The following PRSS36 variants were observed in gnomAD, a reference collection of about 807,000 sequenced individuals.
The protein encoded by PRSS36 is serine protease 36, also known as polyserase-2.
A neutral mutation model predicts 94.3 loss-of-function variants in PRSS36; 90 were observed. The observed-to-expected ratio is 0.95, with a 90% CI of 0.80 to 1.14. The LOEUF is 1.14. Among genes scored for constraint, PRSS36 ranks in the 50% most tolerant of loss-of-function variants. The pLI is 0.00. For synonymous variants in PRSS36, 500 were observed against 489.6 expected (o/e 1.02, Z -0.28); for missense variants, 1,158 against 1,135.0 (o/e 1.02, Z -0.29).
intron 8 of PRSS36, 65 bp from the exon 9 acceptor site, chr16:31,143,058 C>G (rs997883343): frequency 5.1e-6 from 7 of 1,378,828 alleles, no homozygotes; most frequent in Non-Finnish European, 6.5e-6. Context: ...CCTCACACCC[C>G]GGCTTAGACT....
intron 5 of PRSS36, 73 bp downstream of exon 5, chr16:31,148,322 C>T: frequency 1.4e-5 from 20 of 1,429,592 alleles, no homozygotes; most frequent in Non-Finnish European, 1.8e-5. Flanking sequence ...CCTCCTGAGG[C>T]CCCGCCCTAG....
chr16:31,148,339 C>T, intron 5 of PRSS36, 56 bp downstream of exon 5: 1 of 1,467,952 alleles, frequency 6.8e-7, no homozygotes, highest in Non-Finnish European at 9.0e-7. Flanking sequence ...CTAGGAACCT[C>T]ACCTCTCGAA....
chr16:31,143,701 A>G lies in PRSS36; in HGVS notation c.857T>C (p.Ile286Thr). 1 of 1,614,158 alleles carries G rather than the reference A, an allele frequency of 6.2e-7. No homozygotes were observed. Among genetic ancestry groups the G allele is most frequent in the Non-Finnish European group, 8.5e-7 (1 of 1,180,032 alleles). The change falls in exon 7 of 15, where the codon ATA becomes ACA. Residue 286 changes from isoleucine to threonine, a missense_variant. Coordinates refer to ENST00000268281, the MANE Select transcript of PRSS36 (RefSeq NM_173502.5). Reference sequence around the variant, plus strand: ...CTCTGAACCCATCACCTGCTCCCGTATCCATGCCTCATAGGTAGCCACAGC... The same window carrying G: ...CTCTGAACCCATCACCTGCTCCCGTGTCCATGCCTCATAGGTAGCCACAGC... ...FTAVATYEAW[I>T]REQVMGSEPG...
At chr16:31,149,384 T>C in intron 3 of PRSS36, 79 bp downstream of exon 3, 1 of 1,579,928 alleles carries the variant, frequency 6.3e-7, no homozygotes, top group Non-Finnish European at 8.7e-7. Context: ...TCTACATTTC[T>C]GGTCTTTTCC....
Position 31,138,976 on chromosome 16 carries a change from T to C in PRSS36, c.*162A>G, listed in dbSNP as rs561387172. The C allele has an allele frequency of 3.4e-5, 25 of 737,290 alleles. No homozygotes were observed. Among genetic ancestry groups the C allele is most frequent in the Admixed American group, 1.8e-4 (6 of 32,732 alleles). 45.7% of individuals were successfully genotyped at this position (737,290 alleles called of 1,614,324 possible). On this transcript the variant is annotated 3_prime_UTR_variant, in exon 15 of 15. Coordinates refer to ENST00000268281, the MANE Select transcript of PRSS36 (RefSeq NM_173502.5). Reference sequence around the variant, plus strand: ...TCCTCCCACCACCCCCAAGGATTCCTGGGTTCAAAATAGCCCGGGCACTGA... The same window carrying C: ...TCCTCCCACCACCCCCAAGGATTCCCGGGTTCAAAATAGCCCGGGCACTGA...
chr16:31,144,870 T>C (rs12928459), intron 6 of PRSS36, among the ~76,000 whole-genome samples: 148,581 of 152,216 alleles, frequency 0.98, 72,626 homozygotes, highest in East Asian at 1. Context: ...GGCGGATCAT[T>C]TGAGGTCGGG....
At position 31,142,796 on chromosome 16, in the gene PRSS36, T is replaced by A; in HGVS notation, c.1298A>T (p.His433Leu). ...SAASRPVCLPHPEHYFLPGSR... is the reference protein window; with the variant it reads ...SAASRPVCLPLPEHYFLPGSR... ...CCCGGGCAGGAAGTAGTGTTCCGGG[T>A]GGGGTAGGCACACGGGCCGCGAAGC... Residue 433 changes from histidine (H) to leucine (L), a missense_variant, in exon 9 of 15, where the codon CAC becomes CTC. By Grantham distance (99) the His-to-Leu change is moderately conservative. Coordinates refer to ENST00000268281, the MANE Select transcript of PRSS36 (RefSeq NM_173502.5). The A allele has an allele frequency of 6.7e-7, 1 of 1,494,004 alleles. No individual in the cohort carries two copies. The highest frequency in any genetic ancestry group is 2.8e-5 in the East Asian group (1 of 35,702). 92.5% of individuals were successfully genotyped at this position (1,494,004 alleles called of 1,614,324 possible).
At chr16:31,140,165 GGGGGACAGAGTGAGA>G in intron 14 of PRSS36, 114 bp downstream of exon 14, 1 of 1,000,442 alleles carries the variant, frequency 1.0e-6, no homozygotes, top group South Asian at 2.4e-5. Flanking sequence ...CACTCCAGCT[GGGGGACAGAGTGAGA>G]CTCTGTCTCA....
chr16:31,143,546 T>C, intron 7 of PRSS36, 42 bp downstream of exon 7: 1 of 1,610,132 alleles, frequency 6.2e-7, no homozygotes, highest in Non-Finnish European at 8.5e-7. Flanking sequence ...CCCAACTCAC[T>C]CTCCCATGTC....
At position 31,139,398 on chromosome 16, in the gene PRSS36, G is replaced by A. The variant is rs2057645280; in HGVS notation, c.2308C>T (p.Leu770Phe). The change falls in exon 15 of 15, where the codon CTC becomes TTC. Residue 770 changes from leucine to phenylalanine, a missense_variant. By Grantham distance (22) the Leu-to-Phe change is conservative. Coordinates refer to ENST00000268281, the MANE Select transcript of PRSS36 (RefSeq NM_173502.5). ...GACCCTTCCGTCATCTGGCACAGGA[G>A]GGGCGGTGCTGAGGTCATCTGCAGA... Reference protein sequence around the residue: ...NRCEMTSAPPLLCQMTEGSWI... With the variant: ...NRCEMTSAPPFLCQMTEGSWI... 2 of 1,613,994 alleles carry A rather than the reference G, an allele frequency of 1.2e-6. No individual in the cohort carries two copies. Among genetic ancestry groups the A allele is most frequent in the East Asian group, 2.2e-5 (1 of 44,872 alleles).
chr16:31,145,024 T>C (rs2057775050), intron 6 of PRSS36, among the ~76,000 whole-genome samples: 1 of 150,952 alleles, frequency 6.6e-6, no homozygotes, highest in African/African-American at 2.4e-5. Context: ...GAGGCAGAGG[T>C]TGTGGTGAGC....
chr16:31,148,832 T>C, intron 4 of PRSS36, 157 bp from the exon 5 acceptor site: 1 of 1,062,134 alleles, frequency 9.4e-7, no homozygotes, highest in Non-Finnish European at 1.4e-6. Flanking sequence ...GATTTGGAGC[T>C]GGTGGTGGGG....
At chr16:31,139,478 TC>T in intron 14 of PRSS36, 62 bp from the exon 15 acceptor site, 2 of 1,559,684 alleles carry the variant, frequency 1.3e-6, no homozygotes, top group Non-Finnish European at 1.7e-6. Flanking sequence ...CCTCCCCCTT[TC>T]CCCAGGGTCT....
At chr16:31,149,582 C>T (rs1555506281) in intron 2 of PRSS36, 84 bp from the exon 3 acceptor site, 2 of 1,606,706 alleles carry the variant, frequency 1.2e-6, no homozygotes, top group Non-Finnish European at 1.7e-6. Context: ...TCTCCAACCC[C>T]CGACCCTATC....
At chr16:31,149,791 C>G (rs2057870042) in intron 1 of PRSS36, 60 bp from the exon 2 acceptor site, 11 of 1,610,640 alleles carry the variant, frequency 6.8e-6, no homozygotes, top group Non-Finnish European at 9.3e-6. Flanking sequence ...TGTGCCCTCC[C>G]TGACTCCCTC....
At chr16:31,143,227 C>G in intron 8 of PRSS36, 115 bp downstream of exon 8, 1 of 1,469,974 alleles carries the variant, frequency 6.8e-7, no homozygotes, top group Non-Finnish European at 9.1e-7. Context: ...TCCTACACCT[C>G]CGAATGGGAC....
At chr16:31,139,571 G>C (rs935910830) in intron 14 of PRSS36, among the ~76,000 whole-genome samples, 155 bp from the exon 15 acceptor site, 2 of 152,032 alleles carry the variant, frequency 1.3e-5, no homozygotes, top group African/African-American at 2.4e-5. Context: ...TCCCATTTGG[G>C]GCCAAATACC....
Position 31,141,729 on chromosome 16 carries a change from G to A in PRSS36, c.1753C>T (p.His585Tyr), listed in dbSNP as rs894261691. ...CCAAAAGCGTCCTGCTCACCACCATGCTCTGTGTGTGGGGGACAAGTCTGT... is the reference window on the plus strand; with the variant it reads ...CCAAAAGCGTCCTGCTCACCACCATACTCTGTGTGTGGGGGACAAGTCTGT... ...ETQTCPPHTE[H>Y]GACGLRLEAA... The change falls in exon 11 of 15, where the codon CAT becomes TAT. Residue 585 changes from histidine (H) to tyrosine (Y), a missense_variant. By Grantham distance (83) the His-to-Tyr change is moderately conservative. Transcript: ENST00000268281. 2 of 1,612,580 alleles carry A rather than the reference G, an allele frequency of 1.2e-6. No individual in the cohort carries two copies. The highest frequency in any genetic ancestry group is 1.3e-5 in the African/African-American group (1 of 74,882).
At position 31,143,840 on chromosome 16, in the gene PRSS36, A is replaced by T; in HGVS notation, c.721-3T>A. On this transcript the variant is annotated splice_polypyrimidine_tract_variant and splice_region_variant and intron_variant, in intron 6 of 14. Transcript: ENST00000268281. The stretch of plus-strand genomic sequence containing the variant: ...ACCAGGGGCCCCCCAGAGTCACCCT[A>T]GTGGCAGATGACTGCATGTCAAGGG... 1.2e-6 allele frequency: 2 copies of T among 1,613,100 alleles called. No individual in the cohort carries two copies. The highest frequency in any genetic ancestry group is 2.2e-5 in the South Asian group (2 of 91,088).
Sources: allele counts gnomAD v4.1 joint callset (sites outside exome capture counted in the v4.1 genomes callset), GRCh38; gene constraint gnomAD v4.1.1; transcripts MANE v1.5; gene names NCBI Gene and HGNC (gene_info 2026-07-23, HGNC 2026-07-21).